The following AK9 variants were observed in gnomAD, a reference collection of about 807,000 sequenced individuals.
The protein encoded by AK9 is adenylate kinase 9, also known as adenylate kinase domain containing 1.
A neutral mutation model predicts 239.6 loss-of-function variants in AK9; 191 were observed. The ratio of observed to expected loss-of-function variants is 0.80; its 90% CI spans 0.71 to 0.90. The LOEUF (loss-of-function observed/expected upper bound fraction) is 0.90. Ranked by LOEUF, AK9 falls within the 40% of genes least tolerant of loss-of-function variation. AK9 has a pLI of 0.00. For missense variants in AK9, 1,995 were observed against 2,214.7 expected, an observed-to-expected ratio of 0.90 and a Z score of 1.99; for synonymous variants, 689 against 721.0, an observed-to-expected ratio of 0.96 and a Z score of 0.71.
chr6:109,669,702 A>T (rs1168270828), intron 5 of AK9, among the ~76,000 whole-genome samples: 1 of 152,110 alleles, frequency 6.6e-6, no homozygotes, highest in Non-Finnish European at 1.5e-5. Flanking sequence ...TCTACCTTCT[A>T]CCAGGCTACG....
chr6:109,515,556 A>G (rs1779193098), intron 31 of AK9, among the ~76,000 whole-genome samples: 1 of 152,222 alleles, frequency 6.6e-6, no homozygotes, highest in Non-Finnish European at 1.5e-5. Flanking sequence ...GATCAATGGT[A>G]GTGTCAACAT....
chr6:109,685,548 G>C (rs1393654392), intron 1 of AK9, among the ~76,000 whole-genome samples: 1 of 151,976 alleles, frequency 6.6e-6, no homozygotes. Context: ...ATGGACGTAG[G>C]GAGGGGAACA....
intron 20 of AK9, among the ~76,000 whole-genome samples, chr6:109,575,839 A>T (rs4429979): frequency 0.58 from 88,544 of 152,100 alleles, 27,467 homozygotes; most frequent in East Asian, 0.84. Flanking sequence ...TTGATTTCTG[A>T]ATAAGGTGAG....
intron 28 of AK9, among the ~76,000 whole-genome samples, 169 bp from the exon 29 acceptor site, chr6:109,529,242 G>A (rs1460773508): frequency 6.6e-6 from 1 of 152,158 alleles, no homozygotes; most frequent in African/African-American, 2.4e-5. Context: ...TTGCATCCTT[G>A]TACCTCTGAA....
intron 8 of AK9, among the ~76,000 whole-genome samples, chr6:109,652,143 CA>C (rs1234644145): frequency 3.3e-5 from 5 of 152,104 alleles, no homozygotes; most frequent in Non-Finnish European, 5.9e-5. Context: ...AACATCGATG[CA>C]AAAATCCTCA....
intron 1 of AK9, among the ~76,000 whole-genome samples, chr6:109,682,218 G>A (rs1772757012): frequency 1.3e-5 from 2 of 152,138 alleles, no homozygotes; most frequent in South Asian, 4.1e-4. Flanking sequence ...AAGGTCAGGA[G>A]ATCAAGACCA....
In AK9 at chr6:109,674,241, T is replaced by G; in HGVS notation, c.138A>C (p.Leu46Phe). 6.3e-7 allele frequency: 1 copy of G among 1,589,496 alleles called. No homozygotes were observed. Among genetic ancestry groups the G allele is most frequent in the Non-Finnish European group, 8.6e-7 (1 of 1,169,330 alleles). Reference protein sequence around the residue: ...FGKPGVGKTTLARYITQAWKC... With the variant: ...FGKPGVGKTTFARYITQAWKC... ...TCCATGCCTGTGTTATGTAACGGGC[T>G]AATGTTGTTTTCCCAACACCCTTAA... Residue 46 changes from leucine to phenylalanine, a missense_variant, in exon 3 of 41, where the codon TTA becomes TTC. Coordinates refer to ENST00000424296, the MANE Select transcript of AK9 (RefSeq NM_001145128.3).
At chr6:109,515,800 T>C in intron 31 of AK9, 57 bp downstream of exon 31, 2 of 1,428,574 alleles carry the variant, frequency 1.4e-6, no homozygotes, top group Non-Finnish European at 1.9e-6. Flanking sequence ...AAAAAAGACA[T>C]ACCTTTGAAA....
chr6:109,681,628 A>G (rs1478804058), intron 1 of AK9, among the ~76,000 whole-genome samples: 2 of 152,188 alleles, frequency 1.3e-5, no homozygotes, highest in Non-Finnish European at 2.9e-5. Context: ...TCCACCCCAA[A>G]TCAACAGAAT....
intron 20 of AK9, among the ~76,000 whole-genome samples, chr6:109,577,852 CTCTT>C (rs906328374): frequency 8.6e-5 from 13 of 150,846 alleles, no homozygotes; most frequent in South Asian, 2.1e-4. Context: ...TCCTTCCTCT[CTCTT>C]TTTCTTTCTT....
intron 17 of AK9, among the ~76,000 whole-genome samples, chr6:109,604,142 A>T (rs191500613): frequency 6.6e-6 from 1 of 152,256 alleles, no homozygotes; most frequent in Non-Finnish European, 1.5e-5. Context: ...AAATGCGGAA[A>T]TCACCCATCC....
intron 8 of AK9, among the ~76,000 whole-genome samples, chr6:109,648,121 C>G (rs552600220): frequency 4.6e-5 from 7 of 152,008 alleles, no homozygotes; most frequent in African/African-American, 1.7e-4. Context: ...GCACTAAATG[C>G]CCACAAGAGA....
chr6:109,645,067 A>T (rs1202590513), intron 8 of AK9, among the ~76,000 whole-genome samples: 1 of 152,234 alleles, frequency 6.6e-6, no homozygotes, highest in Non-Finnish European at 1.5e-5. Flanking sequence ...CATCATTTAG[A>T]AGATACAACG....
chr6:109,536,076 C>T (rs1256238420), intron 27 of AK9, among the ~76,000 whole-genome samples: 1 of 152,160 alleles, frequency 6.6e-6, no homozygotes, highest in Admixed American at 6.5e-5. Flanking sequence ...TTAGGATTAA[C>T]TTGGCAATGC....
At chr6:109,548,873 C>T (rs1562389925) in intron 25 of AK9, among the ~76,000 whole-genome samples, 2 of 152,116 alleles carry the variant, frequency 1.3e-5, no homozygotes, top group African/African-American at 4.8e-5. Context: ...AGACAAAGCA[C>T]AATCAAAGCA....
Position 109,585,160 on chromosome 6 carries a change from C to A in AK9, c.2077G>T (p.Glu693Ter). 9.1e-7 allele frequency: 1 copy of A among 1,104,236 alleles called. No individual in the cohort carries two copies. Among genetic ancestry groups the A allele is most frequent in the South Asian group, 2.0e-5 (1 of 50,454 alleles). 68.4% of individuals were successfully genotyped at this position (1,104,236 alleles called of 1,614,324 possible). A position where few individuals can be genotyped will look rare whatever the true frequency, so the allele number is the denominator to read the frequency against. ...TCTTCTTTTTTTTTCTTTTGTAGTTCTTCTAATAATCTTTCTAAAATCTTA... is the reference window on the plus strand; with the variant it reads ...TCTTCTTTTTTTTTCTTTTGTAGTTATTCTAATAATCTTTCTAAAATCTTA... Reference protein sequence around the residue: ...DSKILERLLEELQKKKKEEEE... With the variant: ...DSKILERLLE The change falls in exon 19 of 41, where the codon GAA becomes TAA. Residue 693 changes from glutamate (E) to a stop codon, truncating the protein, a stop_gained. Transcript: ENST00000424296. LOFTEE classifies it high-confidence loss of function.
At chr6:109,494,431 C>T (rs561514685) in intron 39 of AK9, 8 of 179,132 alleles carry the variant, frequency 4.5e-5, no homozygotes, top group Non-Finnish European at 7.1e-5. Flanking sequence ...CTAGGCTTTG[C>T]GATATCTTGG....
At chr6:109,520,339 G>A (rs561940812) in intron 29 of AK9, among the ~76,000 whole-genome samples, 2 of 152,268 alleles carry the variant, frequency 1.3e-5, no homozygotes, top group East Asian at 3.9e-4. Flanking sequence ...CATATGAATA[G>A]CCAGCTAACC....
At chr6:109,654,341 A>T (rs1350605802) in intron 8 of AK9, among the ~76,000 whole-genome samples, 1 of 151,696 alleles carries the variant, frequency 6.6e-6, no homozygotes, top group East Asian at 1.9e-4. Flanking sequence ...TAATATATAT[A>T]TTTTTTTTCT....
Sources: allele counts gnomAD v4.1 joint callset (sites outside exome capture counted in the v4.1 genomes callset), GRCh38; gene constraint gnomAD v4.1.1; transcripts MANE v1.5; gene names NCBI Gene and HGNC (gene_info 2026-07-23, HGNC 2026-07-21).